Variants in CACNA1A observed in about 807,000 individuals in gnomAD.
CACNA1A encodes calcium voltage-gated channel subunit alpha1 A.
Under a neutral mutation model 262.4 loss-of-function variants are expected in CACNA1A, and 57 were observed. That is an observed-to-expected ratio of 0.22 (90% CI 0.18 to 0.27). CACNA1A has a LOEUF of 0.27. CACNA1A is among the 10% of genes least tolerant of loss of function. The pLI is 1.00. For synonymous variants in CACNA1A, 1,431 were observed against 1,419.3 expected (o/e 1.01, Z -0.18); for missense variants, 2,526 against 3,562.8 (o/e 0.71, Z 7.41).
At chr19:13,400,885 C>T (rs897326862) in intron 3 of CACNA1A, among the ~76,000 whole-genome samples, 4 of 152,108 alleles carry the variant, frequency 2.6e-5, no homozygotes, top group Non-Finnish European at 5.9e-5. Flanking sequence ...AGTAAAGTGG[C>T]GTGATCTTTG....
Position 13,207,760 on chromosome 19 carries a change from G to GC in CACNA1A, c.7073dup (p.His2359ProfsTer144). 4 of 1,375,480 alleles carry GC rather than the reference G, an allele frequency of 2.9e-6. No individual in the cohort carries two copies. The highest frequency in any genetic ancestry group is 3.7e-6 in the Non-Finnish European group (4 of 1,072,672). The allele number at this position is 1,375,480 out of a possible 1,614,324, so 85.2% of individuals were successfully genotyped here. On this transcript the variant is annotated frameshift_variant, in exon 47 of 47. Coordinates refer to ENST00000360228, the MANE Select transcript of CACNA1A (RefSeq NM_001127222.2). LOFTEE classifies it low-confidence loss of function (END_TRUNC). This position sits in a 1 kb window ranked among gnomAD's most constrained non-coding sequence, Gnocchi z 5.7. ...TCCTGGGCGAGCGGCCGCTGCTGTGGCCCCCCGTGGGCGGCCGATCTCCGG... is the reference window on the plus strand; with the variant it reads ...TCCTGGGCGAGCGGCCGCTGCTGTGGCCCCCCCGTGGGCGGCCGATCTCCGG...
At chr19:13,380,645 C>CAAA (rs370031243) in intron 3 of CACNA1A, among the ~76,000 whole-genome samples, 5 of 55,202 alleles carry the variant, frequency 9.1e-5, no homozygotes, top group Non-Finnish European at 9.2e-5. Flanking sequence ...GACTCTGTCT[C>CAAA]AAAAAAAAAA....
chr19:13,498,840 C>T (rs1038827969), intron 1 of CACNA1A, among the ~76,000 whole-genome samples: 1 of 152,120 alleles, frequency 6.6e-6, no homozygotes, highest in Admixed American at 6.5e-5. Context: ...GGGTGACCAG[C>T]GTCCCAGTTT....
chr19:13,214,845 C>T lies in CACNA1A; in HGVS notation c.5732-237G>A, dbSNP rs1232975603. 7.7e-6 allele frequency: 4 copies of T among 522,560 alleles called. No homozygotes were observed. Among genetic ancestry groups the T allele is most frequent in the South Asian group, 2.9e-5 (1 of 34,830 alleles). 32.4% of individuals were successfully genotyped at this position (522,560 alleles called of 1,614,324 possible). On this transcript the variant is annotated intron_variant, in intron 38 of 46. Transcript: ENST00000360228. The surrounding 1 kb of genome is among the most constrained non-coding windows in gnomAD (Gnocchi z 4.1). ...CATGGAGCAGCTGTGCAGGAGACAG[C>T]CCGGCATGGAGAACAGCTGGGCGAC...
chr19:13,461,435 A>T (rs1015001693), intron 1 of CACNA1A, among the ~76,000 whole-genome samples: 1 of 152,220 alleles, frequency 6.6e-6, no homozygotes, highest in African/African-American at 2.4e-5. Flanking sequence ...GCTGCCTAGA[A>T]ACCCCGACTT....
chr19:13,429,931 G>C (rs952659012), intron 3 of CACNA1A, among the ~76,000 whole-genome samples: 1 of 146,106 alleles, frequency 6.8e-6, no homozygotes, highest in African/African-American at 2.5e-5. Flanking sequence ...CACAGAGATA[G>C]AAACTAGAAC....
intron 3 of CACNA1A, among the ~76,000 whole-genome samples, chr19:13,382,176 G>C (rs1040570348): frequency 6.6e-6 from 1 of 152,158 alleles, no homozygotes; most frequent in Non-Finnish European, 1.5e-5. Context: ...TGACCCCAGG[G>C]ATAGAGGAGG....
At chr19:13,501,671 T>A (rs1315897028) in intron 1 of CACNA1A, among the ~76,000 whole-genome samples, 1 of 152,112 alleles carries the variant, frequency 6.6e-6, no homozygotes, top group Non-Finnish European at 1.5e-5. Context: ...TCCATACACC[T>A]GAAAGTTTGA....
chr19:13,231,962 AGCT>A, intron 34 of CACNA1A, 102 bp from the exon 35 acceptor site: 1 of 1,254,036 alleles, frequency 8.0e-7, no homozygotes, highest in African/African-American at 1.5e-5. Context: ...TGGGCTCTGG[AGCT>A]GGCCAGGCAA....
chr19:13,261,503 C>T lies in CACNA1A; in HGVS notation c.4197G>A (p.Lys1399=), dbSNP rs1475353262. 1.9e-6 allele frequency: 3 copies of T among 1,591,702 alleles called. No homozygotes were observed. The highest frequency in any genetic ancestry group is 2.6e-6 in the Non-Finnish European group (3 of 1,169,182). ...CGTCAGTGCAGTGGAAGAATTTCCCCTTGAAGAGCTGCACAGCCACCACGG... is the reference window on the plus strand; with the variant it reads ...CGTCAGTGCAGTGGAAGAATTTCCCTTTGAAGAGCTGCACAGCCACCACGG... ...IFAVVAVQLF[K]GKFFHCTDES... is the part of the protein sequence containing the mutation. Residue 1399 remains lysine, a synonymous_variant, in exon 26 of 47, where the codon AAG becomes AAA. Transcript: ENST00000360228.
intron 6 of CACNA1A, among the ~76,000 whole-genome samples, chr19:13,344,736 T>TTTATTTTA (rs398071148): frequency 0.028 from 3,779 of 136,212 alleles, 81 homozygotes; most frequent in African/African-American, 0.058. Flanking sequence ...GGATCATTTA[T>TTTATTTTA]TTTATTTATT....
intron 3 of CACNA1A, among the ~76,000 whole-genome samples, chr19:13,396,881 G>A (rs1433889883): frequency 6.6e-6 from 1 of 152,190 alleles, no homozygotes; most frequent in Non-Finnish European, 1.5e-5. Context: ...GGGAGGGAAA[G>A]AGATTGGAAT....
chr19:13,210,310 G>T (rs997309700), intron 44 of CACNA1A, among the ~76,000 whole-genome samples: 27 of 152,090 alleles, frequency 1.8e-4, no homozygotes, highest in Non-Finnish European at 1.0e-4. Context: ...AGGAGAAGAA[G>T]CCCCCCAGAA....
chr19:13,339,571 A>G (rs2145158256), intron 6 of CACNA1A, among the ~76,000 whole-genome samples: 1 of 152,330 alleles, frequency 6.6e-6, no homozygotes, highest in East Asian at 1.9e-4. Flanking sequence ...AGGAGCTTGA[A>G]TGTTCCTAAC....
At chr19:13,460,054 C>G (rs189772298) in intron 1 of CACNA1A, among the ~76,000 whole-genome samples, 1 of 152,104 alleles carries the variant, frequency 6.6e-6, no homozygotes, top group Non-Finnish European at 1.5e-5. Flanking sequence ...CATCATCCCC[C>G]CTCCCTCTGC....
Position 13,344,392 on chromosome 19 carries a change from C to T in CACNA1A, c.979-8483G>A, listed in dbSNP as rs554210683. 1.4e-4 allele frequency among the ~76,000 whole-genome samples: 22 copies of T among 152,276 alleles called. No homozygotes were observed. In the South Asian group the frequency reaches 2.1e-3, roughly 14 times the overall value. ...GAACCTATGCCTGGAGCAACTCTGC[C>T]TTTAGGTCTTGGCTTGGCCAATTTC... On this transcript the variant is annotated intron_variant, in intron 6 of 46. Transcript: ENST00000360228.
chr19:13,407,859 A>G lies in CACNA1A; in HGVS notation c.540-36080T>C, dbSNP rs947397346. ...ATCTCATGTTGAATTGTAATCCCCA[A>G]TGTTGGGGGAGGGACCTGGTAGGAG... On this transcript the variant is annotated intron_variant, in intron 3 of 46. Coordinates refer to ENST00000360228, the MANE Select transcript of CACNA1A (RefSeq NM_001127222.2). 5.3e-5 allele frequency among the ~76,000 whole-genome samples: 8 copies of G among 151,966 alleles called. No homozygotes were observed. In the East Asian group the frequency reaches 5.8e-4, roughly 11 times the overall value.
At chr19:13,250,804 T>G (rs8112821) in intron 30 of CACNA1A, among the ~76,000 whole-genome samples, 101,128 of 152,088 alleles carry the variant, frequency 0.66, 34,231 homozygotes, top group East Asian at 0.91. Context: ...AGCAAGGGCT[T>G]CAAGGTTACC....
chr19:13,252,240 A>AT lies in CACNA1A; in HGVS notation c.4866+750dup, dbSNP rs35692966. On this transcript the variant is annotated intron_variant, in intron 30 of 46. Coordinates refer to ENST00000360228, the MANE Select transcript of CACNA1A (RefSeq NM_001127222.2). ...ACCATGCCTGGCTAATTAAAAAAAA[A>AT]TTTTTTTTTTTTTTGTAGGGACAGG... is the stretch of plus-strand genomic sequence containing the variant. 2.0e-3 allele frequency among the ~76,000 whole-genome samples: 291 copies of AT among 143,096 alleles called. 2 individuals carry two copies. The highest frequency in any genetic ancestry group is 4.0e-3 in the South Asian group (18 of 4,470). 93.9% of individuals were successfully genotyped at this position (143,096 alleles called of 152,430 possible).
Sources: gnomAD v4.1 joint callset for allele counts (sites outside exome capture counted in the v4.1 genomes callset) on GRCh38, gnomAD v4.1.1 for gene constraint, Gnocchi (gnomAD v3.1) non-coding constraint, MANE v1.5 for transcripts, NCBI Gene and HGNC (gene_info 2026-07-23, HGNC 2026-07-21) for gene names.